Variants in GRIA4 observed in about 807,000 individuals in gnomAD.
The protein encoded by GRIA4 is glutamate ionotropic receptor AMPA type subunit 4, also known as glutamate receptor 4.
A neutral mutation model predicts 104.0 loss-of-function variants in GRIA4; 34 were observed. The observed-to-expected ratio is 0.33, with a 90% CI of 0.25 to 0.44. The LOEUF (loss-of-function observed/expected upper bound fraction) is 0.44. GRIA4 is among the 20% of genes least tolerant of loss of function. GRIA4 has a pLI of 1.00. For missense variants in GRIA4, 750 were observed against 1,096.5 expected (o/e 0.68, Z 4.46); for synonymous variants, 386 against 381.9 (o/e 1.01, Z -0.13).
chr11:105,767,560 T>C (rs1387553488), intron 4 of GRIA4, among the ~76,000 whole-genome samples: 5 of 152,020 alleles, frequency 3.3e-5, no homozygotes, highest in African/African-American at 1.2e-4. Context: ...TAAAAAACTA[T>C]GAGCAGGGAA....
intron 4 of GRIA4, among the ~76,000 whole-genome samples, chr11:105,804,337 AACACACAAACACACATGCAC>A (rs1942852201): frequency 7.6e-6 from 1 of 132,066 alleles, no homozygotes; most frequent in Non-Finnish European, 1.6e-5. Flanking sequence ...AATTTATTAA[AACACACAAACACACATGCAC>A]ACACACACAC....
Position 105,981,914 on chromosome 11 carries a change from C to G in GRIA4, c.*2175C>G, listed in dbSNP as rs934514679. On this transcript the variant is annotated 3_prime_UTR_variant, in exon 17 of 17. Transcript: ENST00000282499. ...TAGGTGCCCTTTTTCATGTCTTTCC[C>G]CCATCACGGCACTTACCATACTGCG... is the stretch of plus-strand genomic sequence containing the variant. The G allele has an allele frequency of 6.6e-6, 1 of 152,576 alleles. No homozygotes were observed. Among genetic ancestry groups the G allele is most frequent in the Non-Finnish European group, 1.5e-5 (1 of 68,096 alleles). 9.5% of individuals were successfully genotyped at this position (152,576 alleles called of 1,614,324 possible). A position where few individuals can be genotyped will look rare whatever the true frequency, so the allele number is the denominator to read the frequency against.
At chr11:105,946,245 A>C (rs1292535041) in intron 14 of GRIA4, among the ~76,000 whole-genome samples, 1 of 152,138 alleles carries the variant, frequency 6.6e-6, no homozygotes, top group East Asian at 1.9e-4. Flanking sequence ...ATTCTCTTTC[A>C]AATTGGTCTT....
intron 5 of GRIA4, among the ~76,000 whole-genome samples, chr11:105,873,427 G>T (rs1278729933): frequency 6.6e-6 from 1 of 151,920 alleles, no homozygotes; most frequent in South Asian, 2.1e-4. Context: ...TAATCCTTTG[G>T]GTATATATAC....
chr11:105,619,229 A>G (rs1398369800), intron 3 of GRIA4, among the ~76,000 whole-genome samples: 1 of 151,966 alleles, frequency 6.6e-6, no homozygotes, highest in Non-Finnish European at 1.5e-5. Flanking sequence ...ATAGTGGGCA[A>G]GTTACGTAAC....
At chr11:105,733,992 T>TGC (rs1938768355) in intron 3 of GRIA4, among the ~76,000 whole-genome samples, 2 of 147,840 alleles carry the variant, frequency 1.4e-5, no homozygotes, top group South Asian at 2.1e-4. Flanking sequence ...ACTACATGAA[T>TGC]ACATATATAT....
intron 4 of GRIA4, among the ~76,000 whole-genome samples, chr11:105,853,174 A>T (rs1358205442): frequency 1.3e-5 from 2 of 152,162 alleles, no homozygotes; most frequent in Non-Finnish European, 2.9e-5. Flanking sequence ...CCCTCAATTA[A>T]TGAGTCAGTT....
At chr11:105,698,803 A>T (rs1953380137) in intron 3 of GRIA4, among the ~76,000 whole-genome samples, 1 of 152,236 alleles carries the variant, frequency 6.6e-6, no homozygotes. Context: ...GTGTGGCTGA[A>T]AGACCTATTT....
At chr11:105,723,505 T>C (rs1441252369) in intron 3 of GRIA4, among the ~76,000 whole-genome samples, 1 of 152,024 alleles carries the variant, frequency 6.6e-6, no homozygotes, top group African/African-American at 2.4e-5. Flanking sequence ...AAGGACAAAT[T>C]GGAGAGTTAG....
intron 4 of GRIA4, among the ~76,000 whole-genome samples, chr11:105,833,340 A>G (rs1565272245): frequency 1.3e-5 from 2 of 152,124 alleles, no homozygotes; most frequent in East Asian, 3.9e-4. Flanking sequence ...TTCTTATGCT[A>G]TATCTCAGTC....
At chr11:105,948,595 G>GT (rs3060323) in intron 14 of GRIA4, among the ~76,000 whole-genome samples, 5,788 of 87,924 alleles carry the variant, frequency 0.066, 334 homozygotes, top group Non-Finnish European at 0.082. Context: ...TTTTCTTTTT[G>GT]TTTTTTTTTT....
intron 4 of GRIA4, among the ~76,000 whole-genome samples, chr11:105,796,477 TCATA>T (rs1439551900): frequency 6.6e-6 from 1 of 152,158 alleles, no homozygotes; most frequent in African/African-American, 2.4e-5. Flanking sequence ...CTCATTTTAG[TCATA>T]CATTTCCAAA....
intron 4 of GRIA4, among the ~76,000 whole-genome samples, chr11:105,859,939 A>T (rs778739056): frequency 2.6e-5 from 4 of 152,142 alleles, no homozygotes; most frequent in Non-Finnish European, 5.9e-5. Flanking sequence ...GAACATATAT[A>T]TTAAGGAAGG....
chr11:105,800,026 T>C (rs373343212), intron 4 of GRIA4, among the ~76,000 whole-genome samples: 12 of 152,120 alleles, frequency 7.9e-5, no homozygotes, highest in African/African-American at 2.9e-4. Flanking sequence ...TGCATGATTA[T>C]GATTACCCAT....
At chr11:105,662,530 C>A (rs768255835) in intron 3 of GRIA4, among the ~76,000 whole-genome samples, 1 of 151,440 alleles carries the variant, frequency 6.6e-6, no homozygotes, top group Non-Finnish European at 1.5e-5. Flanking sequence ...AAGTTAGAGA[C>A]GAAAAAGGAA....
intron 13 of GRIA4, among the ~76,000 whole-genome samples, chr11:105,932,230 C>G (rs1947898252): frequency 1.3e-5 from 2 of 152,026 alleles, no homozygotes; most frequent in African/African-American, 2.4e-5. Flanking sequence ...CCTCTGCCTC[C>G]CAGGTCTGAG....
chr11:105,931,861 T>C lies in GRIA4; in HGVS notation c.2047-1861T>C, dbSNP rs568968581. 2.0e-5 allele frequency among the ~76,000 whole-genome samples: 3 copies of C among 152,324 alleles called. No homozygotes were observed. In the East Asian group the frequency reaches 5.8e-4, roughly 29 times the overall value. On this transcript the variant is annotated intron_variant, in intron 13 of 16. Coordinates refer to ENST00000282499, the MANE Select transcript of GRIA4 (RefSeq NM_000829.4). ...AAAATTTGAATCCCACTTTTATTCA[T>C]TTATTTCTTTGTCCACCTGAATAAT... is the stretch of plus-strand genomic sequence containing the variant.
intron 5 of GRIA4, among the ~76,000 whole-genome samples, chr11:105,883,382 C>T (rs1441177260): frequency 2.7e-5 from 4 of 150,556 alleles, no homozygotes; most frequent in Non-Finnish European, 5.9e-5. Flanking sequence ...CACCCATTAA[C>T]TTCTCATTTA....
chr11:105,920,870 C>T (rs542171330), intron 11 of GRIA4, among the ~76,000 whole-genome samples: 213 of 152,288 alleles, frequency 1.4e-3, no homozygotes, highest in Middle Eastern at 3.4e-3. Context: ...ACACACTCCA[C>T]AGTCTAGGTA....
Sources: allele counts gnomAD v4.1 joint callset (sites outside exome capture counted in the v4.1 genomes callset), GRCh38; gene constraint gnomAD v4.1.1; transcripts MANE v1.5; gene names NCBI Gene and HGNC (gene_info 2026-07-23, HGNC 2026-07-21).